The following PRMT7 variants were observed in gnomAD, a reference collection of about 807,000 sequenced individuals.
PRMT7 encodes the protein protein arginine N-methyltransferase 7.
PRMT7 carries 75 observed loss-of-function variants against 85.4 expected under a neutral mutation model. The ratio of observed to expected loss-of-function variants is 0.88; its 90% CI spans 0.73 to 1.06. The LOEUF is 1.06. PRMT7 is among the 50% of genes least tolerant of loss of function. PRMT7 has a pLI of 0.00. For synonymous variants in PRMT7, 397 were observed against 359.5 expected (o/e 1.10, Z -1.18); for missense variants, 868 against 915.2 (o/e 0.95, Z 0.67).
At position 68,329,159 on chromosome 16, in the gene PRMT7, G is replaced by A. The variant is rs2083503622; in HGVS notation, c.376G>A (p.Val126Met). 3 of 1,595,866 alleles carry A rather than the reference G, an allele frequency of 1.9e-6. No homozygotes were observed. Among genetic ancestry groups the A allele is most frequent in the Non-Finnish European group, 8.6e-7 (1 of 1,163,536 alleles). ...IKVINKHSTE[V>M]TVGPEGDMPC... is the part of the protein sequence containing the mutation. ...GGTTATCAACAAGCATTCCACCGAGGTGACTGTAGGTCCAGGTGAGATTTA... is the reference window on the plus strand; with the variant it reads ...GGTTATCAACAAGCATTCCACCGAGATGACTGTAGGTCCAGGTGAGATTTA... The change falls in exon 6 of 19, where the codon GTG becomes ATG. Residue 126 changes from valine (V) to methionine (M), a missense_variant. By Grantham distance (21) the Val-to-Met change is conservative. Coordinates refer to ENST00000441236, the MANE Select transcript of PRMT7 (RefSeq NM_019023.5).
At position 68,348,432 on chromosome 16, in the gene PRMT7, G is replaced by A. The variant is rs748253235; in HGVS notation, c.1413+1G>A. ...AAATGAGGACCTACAGGGCAGAAAG[G>A]TGAGTAGCGGGAGCCTTTTGGCCAC... On this transcript the variant is annotated splice_donor_variant, in intron 14 of 18. Transcript: ENST00000441236. LOFTEE classifies it high-confidence loss of function. 3 of 1,608,096 alleles carry A rather than the reference G, an allele frequency of 1.9e-6. No homozygotes were observed. The South Asian group carries it at 3.3e-5, about 18-fold the overall frequency.
chr16:68,353,921 G>T (rs1567745249), intron 16 of PRMT7, among the ~76,000 whole-genome samples: 1 of 152,212 alleles, frequency 6.6e-6, no homozygotes, highest in Admixed American at 6.5e-5. Flanking sequence ...TACCTGAGGA[G>T]ATTCCCACAG....
intron 9 of PRMT7, among the ~76,000 whole-genome samples, chr16:68,343,823 T>C (rs2085908517): frequency 6.6e-6 from 1 of 152,256 alleles, no homozygotes; most frequent in African/African-American, 2.4e-5. Context: ...AATGTCATTC[T>C]CCTGCCTTTT....
At chr16:68,317,168 G>C (rs908110984) in intron 3 of PRMT7, among the ~76,000 whole-genome samples, 2 of 150,852 alleles carry the variant, frequency 1.3e-5, no homozygotes, top group African/African-American at 2.4e-5. Context: ...AACTCGGGAG[G>C]TGGAGGTTGC....
intron 3 of PRMT7, among the ~76,000 whole-genome samples, chr16:68,320,730 G>A (rs1385095448): frequency 1.3e-5 from 2 of 152,182 alleles, no homozygotes; most frequent in Non-Finnish European, 2.9e-5. Flanking sequence ...AACTACTGGA[G>A]CATTTTTAGG....
chr16:68,319,272 G>A (rs540950530), intron 3 of PRMT7, among the ~76,000 whole-genome samples: 12 of 152,296 alleles, frequency 7.9e-5, no homozygotes, highest in African/African-American at 2.9e-4. Flanking sequence ...GTAGAGGGCT[G>A]AAGAAGGAAT....
At chr16:68,327,764 A>G (rs1003100281) in intron 5 of PRMT7, among the ~76,000 whole-genome samples, 9 of 152,000 alleles carry the variant, frequency 5.9e-5, no homozygotes, top group Non-Finnish European at 1.0e-4. Flanking sequence ...CCTGGGCAAC[A>G]TGGCAAAACC....
At chr16:68,328,999 C>T (rs765359992) in intron 5 of PRMT7, 67 bp from the exon 6 acceptor site, 2 of 1,109,056 alleles carry the variant, frequency 1.8e-6, no homozygotes, top group Admixed American at 1.8e-5. Flanking sequence ...AGCTTGCTCA[C>T]CTTAAAGGTC....
At chr16:68,330,896 A>G (rs925259837) in intron 6 of PRMT7, among the ~76,000 whole-genome samples, 1 of 152,102 alleles carries the variant, frequency 6.6e-6, no homozygotes, top group African/African-American at 2.4e-5. Context: ...CGCCCGGCCT[A>G]TCTTTTTTAT....
intron 1 of PRMT7, chr16:68,311,417 C>A: frequency 8.0e-6 from 2 of 249,620 alleles, no homozygotes; most frequent in Non-Finnish European, 1.6e-5. Flanking sequence ...TCTCTGATTG[C>A]CAGACCTGTT....
Position 68,358,444 on chromosome 16 carries a change from C to G in PRMT7, c.*1220C>G, listed in dbSNP as rs1312326845. 6.6e-6 allele frequency: 1 copy of G among 152,662 alleles called. No homozygotes were observed. The highest frequency in any genetic ancestry group is 2.4e-5 in the African/African-American group (1 of 41,456). 9.5% of individuals were successfully genotyped at this position (152,662 alleles called of 1,614,324 possible). A position where few individuals can be genotyped will look rare whatever the true frequency, so the allele number is the denominator to read the frequency against. The stretch of plus-strand genomic sequence containing the variant: ...TCAGGTGTAAAGACTTGTTTTTCTT[C>G]TAGGGAAGAACCGTCTGGATATATA... On this transcript the variant is annotated 3_prime_UTR_variant, in exon 19 of 19. Coordinates refer to ENST00000441236, the MANE Select transcript of PRMT7 (RefSeq NM_019023.5).
chr16:68,331,930 G>A (rs771409922), intron 6 of PRMT7, among the ~76,000 whole-genome samples: 1 of 151,954 alleles, frequency 6.6e-6, no homozygotes, highest in South Asian at 2.1e-4. Context: ...TTTTTTCTGG[G>A]TTTGTTCTCT....
At chr16:68,356,920 C>T (rs984574829) in intron 18 of PRMT7, 123 bp downstream of exon 18, 14 of 1,358,642 alleles carry the variant, frequency 1.0e-5, no homozygotes, top group African/African-American at 1.5e-5. Flanking sequence ...CAGATGATGA[C>T]CCCTCAGTGG....
At chr16:68,337,296 A>G (rs1262131802) in intron 6 of PRMT7, among the ~76,000 whole-genome samples, 163 bp from the exon 7 acceptor site, 3 of 151,282 alleles carry the variant, frequency 2.0e-5, no homozygotes, top group Admixed American at 6.6e-5. Context: ...TTCCTGAACC[A>G]TTGGCAAGTC....
At position 68,344,418 on chromosome 16, in the gene PRMT7, G is replaced by A. The variant is rs192426568; in HGVS notation, c.928-1257G>A. Among the ~76,000 whole-genome samples, 224 of 152,238 alleles carry A rather than the reference G, an allele frequency of 1.5e-3. 3 individuals carry two copies. Among genetic ancestry groups the A allele is most frequent in the African/African-American group, 5.1e-3 (210 of 41,540 alleles). On this transcript the variant is annotated intron_variant, in intron 9 of 18. Transcript: ENST00000441236. ...CCCTTTGTTTGGTCTCTCTCCAAACGCGTGGGTGTCATCGGTGCTCATCTC... is the reference window on the plus strand; with the variant it reads ...CCCTTTGTTTGGTCTCTCTCCAAACACGTGGGTGTCATCGGTGCTCATCTC...
intron 9 of PRMT7, among the ~76,000 whole-genome samples, chr16:68,340,778 C>A (rs2085407186): frequency 6.6e-6 from 1 of 152,176 alleles, no homozygotes; most frequent in Non-Finnish European, 1.5e-5. Context: ...GGATTTGCGT[C>A]TGTGCAGAAT....
At chr16:68,319,391 C>G (rs1320712964) in intron 3 of PRMT7, among the ~76,000 whole-genome samples, 1 of 152,034 alleles carries the variant, frequency 6.6e-6, no homozygotes, top group Non-Finnish European at 1.5e-5. Context: ...GTCCCAGATA[C>G]TGATGACTGA....
In PRMT7 at chr16:68,352,305, C is replaced by T. The variant is rs1273533363; in HGVS notation, c.1471C>T (p.Leu491Phe). 1 of 1,613,658 alleles carries T rather than the reference C, an allele frequency of 6.2e-7. No individual in the cohort carries two copies. The change falls in exon 15 of 19, where the codon CTC becomes TTC. Residue 491 changes from leucine (L) to phenylalanine (F), a missense_variant. Physicochemically the swap from Leu to Phe is conservative, Grantham distance 22. Transcript: ENST00000441236. ...TACCAGCCTGCTGCCGTGGCACAAC[C>T]TCTACTTCTGGTACGTGCGGACCGC... ...FTTSLLPWHN[L>F]YFWYVRTAVD... is the part of the protein sequence containing the mutation.
At chr16:68,311,123 A>T (rs1232054616) in intron 1 of PRMT7, 24 bp downstream of exon 1, 2 of 686,406 alleles carry the variant, frequency 2.9e-6, no homozygotes, top group Non-Finnish European at 5.3e-6. Flanking sequence ...TATGCTGGGA[A>T]GGTGGGGTCG....
Sources: allele counts gnomAD v4.1 joint callset (sites outside exome capture counted in the v4.1 genomes callset), GRCh38; gene constraint gnomAD v4.1.1; transcripts MANE v1.5; gene names NCBI Gene and HGNC (gene_info 2026-07-23, HGNC 2026-07-21).